Variants in FNDC3B observed in about 807,000 individuals in gnomAD.
FNDC3B encodes the protein fibronectin type III domain-containing protein 3B.
In FNDC3B, 12 loss-of-function variants were observed where a neutral mutation model predicts 151.5. The ratio of observed to expected loss-of-function variants is 0.08; its 90% CI spans 0.05 to 0.13. FNDC3B has a LOEUF of 0.13. FNDC3B is among the 10% of genes least tolerant of loss of function. The probability of loss-of-function intolerance (pLI) is 1.00; values close to 1 mark genes in which losing one functional copy is unlikely to be tolerated. For synonymous variants in FNDC3B, 528 were observed against 549.0 expected, an observed-to-expected ratio of 0.96 and a Z score of 0.54; for missense variants, 1,214 against 1,505.3, an observed-to-expected ratio of 0.81 and a Z score of 3.20.
chr3:172,090,414 G>A (rs556296430), intron 1 of FNDC3B, among the ~76,000 whole-genome samples: 12 of 138,138 alleles, frequency 8.7e-5, no homozygotes, highest in African/African-American at 2.9e-4. Flanking sequence ...ACCTAGGGCT[G>A]TGACCAAAAA....
At chr3:172,329,601 T>A (rs1308062097) in intron 12 of FNDC3B, 1 of 152,468 alleles carries the variant, frequency 6.6e-6, no homozygotes, top group East Asian at 1.9e-4. Context: ...AGGTATCAAT[T>A]GATTAAAGAG....
chr3:172,149,791 T>A (rs529026933), intron 3 of FNDC3B, among the ~76,000 whole-genome samples: 1 of 149,538 alleles, frequency 6.7e-6, no homozygotes, highest in Non-Finnish European at 1.5e-5. Context: ...TGTGTATACC[T>A]TTTGTATGTT....
At chr3:172,356,447 C>T (rs1326306214) in intron 22 of FNDC3B, among the ~76,000 whole-genome samples, 2 of 152,178 alleles carry the variant, frequency 1.3e-5, no homozygotes, top group Admixed American at 6.5e-5. Flanking sequence ...TGTTAATGTT[C>T]GGTAGGGAAG....
rs373367156 is a variant in FNDC3B, at chr3:172,157,453, G to A, written c.187+23907G>A. On this transcript the variant is annotated intron_variant, in intron 3 of 25. Transcript: ENST00000415807. The stretch of plus-strand genomic sequence containing the variant: ...AGGAATAGACATGAGTACAGTCCAC[G>A]GAACTCATTCAGATTTGTAATAATC... Among the ~76,000 whole-genome samples the A allele has an allele frequency of 2.7e-3, 414 of 152,156 alleles. 1 individual carries two copies. Among genetic ancestry groups the A allele is most frequent in the Non-Finnish European group, 3.7e-3 (250 of 68,004 alleles).
intron 4 of FNDC3B, among the ~76,000 whole-genome samples, chr3:172,231,842 C>T (rs1416726372): frequency 6.6e-6 from 1 of 150,770 alleles, no homozygotes; most frequent in Non-Finnish European, 1.5e-5. Flanking sequence ...ATTTCTAAAA[C>T]ACCAACTGCT....
chr3:172,258,332 C>T (rs1024007998), intron 6 of FNDC3B, among the ~76,000 whole-genome samples: 3 of 152,030 alleles, frequency 2.0e-5, no homozygotes, highest in African/African-American at 4.8e-5. Context: ...TTTCAGAGTT[C>T]GCAGATTGCT....
intron 25 of FNDC3B, among the ~76,000 whole-genome samples, chr3:172,384,891 T>C (rs1293306403): frequency 1.3e-5 from 2 of 152,254 alleles, no homozygotes; most frequent in East Asian, 3.8e-4. Context: ...TAAACAGTTA[T>C]AAACAAAGTG....
chr3:172,190,191 T>C (rs1232467361), intron 3 of FNDC3B, among the ~76,000 whole-genome samples: 1 of 152,114 alleles, frequency 6.6e-6, no homozygotes, highest in Non-Finnish European at 1.5e-5. Context: ...GTGCTTAATA[T>C]GATGGGCAGC....
At chr3:172,114,863 G>T (rs900382734) in intron 2 of FNDC3B, among the ~76,000 whole-genome samples, 1 of 152,160 alleles carries the variant, frequency 6.6e-6, no homozygotes, top group African/African-American at 2.4e-5. Context: ...ATGAAAAAGT[G>T]GGGGTACACT....
chr3:172,381,883 G>C (rs1735459694), intron 25 of FNDC3B, among the ~76,000 whole-genome samples: 1 of 152,162 alleles, frequency 6.6e-6, no homozygotes, highest in African/African-American at 2.4e-5. Flanking sequence ...ATGGGCATTT[G>C]GGTTGGTTCC....
In FNDC3B at chr3:172,288,841, C is replaced by T. The variant is rs777821679; in HGVS notation, c.849+2857C>T. On this transcript the variant is annotated intron_variant, in intron 7 of 25. Transcript: ENST00000415807. ...CATGTGGGTGGTGGTTGGTGCTAAC[C>T]ACCCTGCATGTCTGGTTCTCTGGAT... Among the ~76,000 whole-genome samples, 20 of 152,278 alleles carry T rather than the reference C, an allele frequency of 1.3e-4. No individual in the cohort carries two copies. In the South Asian group the frequency reaches 1.4e-3, roughly 11 times the overall value.
rs373844597 is a variant in FNDC3B at position 172,341,161 on chromosome 3, T to G, written c.1901T>G (p.Phe634Cys). The G allele has an allele frequency of 2.4e-5, 38 of 1,614,080 alleles. No homozygotes were observed. The highest frequency in any genetic ancestry group is 4.0e-5 in the African/African-American group (3 of 74,930). ...AYSGSATEYT[F>C]THLKPGTLYK... ...AGTGGGTCGGCTACCGAATACACCT[T>G]CACCCACTTGAAACCAGGCACTTTG... Residue 634 changes from phenylalanine to cysteine, a missense_variant, in exon 17 of 26, where the codon TTC becomes TGC. Coordinates refer to ENST00000415807, the MANE Select transcript of FNDC3B (RefSeq NM_022763.4).
intron 23 of FNDC3B, among the ~76,000 whole-genome samples, chr3:172,365,769 G>A (rs1734592133): frequency 6.6e-6 from 1 of 152,194 alleles, no homozygotes; most frequent in African/African-American, 2.4e-5. Context: ...TTTTATGGGA[G>A]TCCTAGCCAG....
chr3:172,339,036 C>A (rs1044431860), intron 16 of FNDC3B, among the ~76,000 whole-genome samples: 1 of 151,954 alleles, frequency 6.6e-6, no homozygotes, highest in African/African-American at 2.4e-5. Flanking sequence ...CGCGCCCGGC[C>A]CACCATTAAA....
chr3:172,099,136 GTC>G (rs1576861843), intron 1 of FNDC3B, among the ~76,000 whole-genome samples: 1 of 152,184 alleles, frequency 6.6e-6, no homozygotes, highest in Non-Finnish European at 1.5e-5. Context: ...TGAAAGGGAA[GTC>G]TCTCATCTGT....
At chr3:172,301,289 A>G (rs1730901024) in intron 9 of FNDC3B, among the ~76,000 whole-genome samples, 1 of 152,246 alleles carries the variant, frequency 6.6e-6, no homozygotes, top group Non-Finnish European at 1.5e-5. Context: ...TTAATGATGC[A>G]AGTTCTTTGA....
intron 3 of FNDC3B, among the ~76,000 whole-genome samples, chr3:172,138,185 C>G (rs1721465237): frequency 6.6e-6 from 1 of 152,200 alleles, no homozygotes; most frequent in South Asian, 2.1e-4. Context: ...TCCCTGAATT[C>G]TGGAGGAGCA....
chr3:172,179,574 A>C (rs1723777031), intron 3 of FNDC3B, among the ~76,000 whole-genome samples: 1 of 146,292 alleles, frequency 6.8e-6, no homozygotes, highest in Non-Finnish European at 1.5e-5. Context: ...ACCACCTCCG[A>C]CCTCCACCCC....
intron 1 of FNDC3B, among the ~76,000 whole-genome samples, chr3:172,058,964 G>A (rs185727174): frequency 2.6e-5 from 4 of 152,218 alleles, no homozygotes; most frequent in Non-Finnish European, 4.4e-5. Flanking sequence ...TCTTTTCTCC[G>A]TGTCCTAATT....
Sources: gnomAD v4.1 joint callset for allele counts (sites outside exome capture counted in the v4.1 genomes callset) on GRCh38, gnomAD v4.1.1 for gene constraint, MANE v1.5 for transcripts, NCBI Gene and HGNC (gene_info 2026-07-23, HGNC 2026-07-21) for gene names.